TGFBI: variants seen among roughly 807,000 people sequenced by gnomAD.
TGFBI encodes the protein transforming growth factor-beta-induced protein ig-h3.
A neutral mutation model predicts 73.7 loss-of-function variants in TGFBI; 50 were observed. The ratio of observed to expected loss-of-function variants is 0.68; its 90% CI spans 0.54 to 0.86. The LOEUF (loss-of-function observed/expected upper bound fraction) is 0.86, where lower values mean the gene tolerates loss of function less well. Ranked by LOEUF, TGFBI falls within the 40% of genes least tolerant of loss-of-function variation. The pLI, the probability that TGFBI is intolerant of heterozygous loss-of-function variation, is 0.00. For missense variants in TGFBI, 839 were observed against 877.0 expected (o/e 0.96, Z 0.55); for synonymous variants, 362 against 360.5 (o/e 1.00, Z -0.05).
intron 2 of TGFBI, among the ~76,000 whole-genome samples, chr5:136,041,427 G>C (rs1443343721): frequency 6.6e-6 from 1 of 152,230 alleles, no homozygotes; most frequent in East Asian, 1.9e-4. Context: ...GAGGAACAGT[G>C]AGTGCTGACA....
chr5:136,033,172 A>T (rs968345349), intron 1 of TGFBI, among the ~76,000 whole-genome samples: 4 of 152,080 alleles, frequency 2.6e-5, no homozygotes, highest in Admixed American at 6.5e-5. Flanking sequence ...GGAACCCAAC[A>T]TCAAATAAGG....
intron 2 of TGFBI, among the ~76,000 whole-genome samples, chr5:136,040,886 A>G (rs1019135486): frequency 2.0e-4 from 30 of 152,314 alleles, no homozygotes; most frequent in Admixed American, 1.3e-3. Context: ...CAGCCCATCC[A>G]ACCACAGCAT....
intron 8 of TGFBI, among the ~76,000 whole-genome samples, chr5:136,053,429 A>G (rs1751573186): frequency 6.6e-6 from 1 of 152,244 alleles, no homozygotes; most frequent in Non-Finnish European, 1.5e-5. Context: ...CTGACCTCAG[A>G]GCATGTGCTT....
At chr5:136,047,530 A>G in intron 6 of TGFBI, 110 bp downstream of exon 6, 1 of 1,367,128 alleles carries the variant, frequency 7.3e-7, no homozygotes. Context: ...CTGTAGGGGA[A>G]CATAGAGCAG....
chr5:136,033,839 A>G lies in TGFBI; in HGVS notation c.211A>G (p.Arg71Gly), dbSNP rs761036803. 1.2e-6 allele frequency: 2 copies of G among 1,613,858 alleles called. No homozygotes were observed. Among genetic ancestry groups the G allele is most frequent in the Middle Eastern group, 1.7e-4 (1 of 6,060 alleles). Residue 71 changes from arginine to glycine, a missense_variant, in exon 2 of 17, where the codon AGG becomes GGG. Physicochemically the swap from Arg to Gly is moderately radical, Grantham distance 125. Coordinates refer to ENST00000442011, the MANE Select transcript of TGFBI (RefSeq NM_000358.3). ...CACCAACTGCAAGCAGTGGTACCAA[A>G]GGAAAATCTGTGGCAAATCAACGTG... Reference protein sequence around the residue: ...YFTNCKQWYQRKICGKSTVIS... With the variant: ...YFTNCKQWYQGKICGKSTVIS...
intron 15 of TGFBI, among the ~76,000 whole-genome samples, chr5:136,062,380 C>A (rs1199444043): frequency 2.0e-5 from 3 of 152,078 alleles, no homozygotes; most frequent in African/African-American, 7.2e-5. Context: ...CTCTGTGCAG[C>A]CCCAGCTCCC....
chr5:136,030,501 G>A (rs1751098970), intron 1 of TGFBI, among the ~76,000 whole-genome samples: 1 of 152,166 alleles, frequency 6.6e-6, no homozygotes, highest in South Asian at 2.1e-4. Flanking sequence ...AATCAAACCA[G>A]GCCTGGCTGC....
chr5:136,054,180 C>T lies in TGFBI; in HGVS notation c.1264+100C>T, dbSNP rs905138131. 7 of 1,468,052 alleles carry T rather than the reference C, an allele frequency of 4.8e-6. No individual in the cohort carries two copies. The East Asian group carries it at 1.1e-4, about 24-fold the overall frequency. 90.9% of individuals were successfully genotyped at this position (1,468,052 alleles called of 1,614,324 possible). ...CTCCGATTTACAGCACCCCATGGGA[C>T]ATTAGAACTTCCACTCAGCTCAACC... On this transcript the variant is annotated intron_variant, in intron 9 of 16. Transcript: ENST00000442011.
chr5:136,049,809 G>T (rs1210252085), intron 7 of TGFBI: 2 of 505,148 alleles, frequency 4.0e-6, no homozygotes, highest in Non-Finnish European at 7.0e-6. Context: ...GTCTGGGAGA[G>T]CTGGACTGAA....
chr5:136,044,522 G>A (rs765319861), intron 3 of TGFBI, among the ~76,000 whole-genome samples: 5 of 152,226 alleles, frequency 3.3e-5, no homozygotes, highest in Non-Finnish European at 5.9e-5. Context: ...ATGGGATGTG[G>A]GAGGAGGGGG....
Position 136,029,196 on chromosome 5 carries a change from C to T in TGFBI, c.134+7C>T. On this transcript the variant is annotated splice_region_variant and intron_variant, in intron 1 of 16. Transcript: ENST00000442011. ...TCCGGGGCCGCCAGCACGGGTAAGCCGAGCCGCCTGGCCAGGGGCTGCGGA... is the reference window on the plus strand; with the variant it reads ...TCCGGGGCCGCCAGCACGGGTAAGCTGAGCCGCCTGGCCAGGGGCTGCGGA... The T allele has an allele frequency of 4.1e-6, 6 of 1,480,588 alleles. No homozygotes were observed. The highest frequency in any genetic ancestry group is 5.4e-6 in the Non-Finnish European group (6 of 1,120,660). 91.7% of individuals were successfully genotyped at this position (1,480,588 alleles called of 1,614,324 possible). A position where few individuals can be genotyped will look rare whatever the true frequency, so the allele number is the denominator to read the frequency against.
intron 2 of TGFBI, among the ~76,000 whole-genome samples, chr5:136,038,134 G>A (rs1319658584): frequency 6.6e-6 from 1 of 152,214 alleles, no homozygotes; most frequent in African/African-American, 2.4e-5. Context: ...CTGTTGGGCA[G>A]TGTTTCCTGA....
rs1452721386 is a variant in TGFBI at position 136,059,077 on chromosome 5, C to A, written c.1679-13C>A. On this transcript the variant is annotated splice_polypyrimidine_tract_variant and intron_variant, in intron 12 of 16. Coordinates refer to ENST00000442011, the MANE Select transcript of TGFBI (RefSeq NM_000358.3). ...TTGGGATTAACTCTATCTCCTTTTC[C>A]CGCAACCTGCAGGAGATGCCAAGGA... is the stretch of plus-strand genomic sequence containing the variant. 6.2e-7 allele frequency: 1 copy of A among 1,609,098 alleles called. No individual in the cohort carries two copies. Among genetic ancestry groups the A allele is most frequent in the Admixed American group, 1.7e-5 (1 of 59,462 alleles).
At chr5:136,061,447 T>C (rs1309385466) in intron 14 of TGFBI, 53 bp from the exon 15 acceptor site, 2 of 1,347,102 alleles carry the variant, frequency 1.5e-6, no homozygotes, top group African/African-American at 1.4e-5. Flanking sequence ...TTGTTATGAA[T>C]GACATGCTAA....
chr5:136,057,363 T>C (rs757911268), intron 12 of TGFBI, among the ~76,000 whole-genome samples: 6 of 151,996 alleles, frequency 3.9e-5, no homozygotes, highest in Admixed American at 6.6e-5. Context: ...GCACTGACTA[T>C]CCCTCCAGAC....
In TGFBI at chr5:136,046,876, A is replaced by G; in HGVS notation, c.485A>G (p.Asn162Ser). ...PAEVLDSLVS[N>S]VNIELLNALR... ...GAAGTGCTGGACTCCCTGGTCAGCA[A>G]TGTCAACATTGAGCTGCTCAATGCC... The change falls in exon 5 of 17, where the codon AAT becomes AGT. Residue 162 changes from asparagine (N) to serine (S), a missense_variant. Physicochemically the swap from Asn to Ser is conservative, Grantham distance 46. Transcript: ENST00000442011. 1 of 1,613,656 alleles carries G rather than the reference A, an allele frequency of 6.2e-7. No individual in the cohort carries two copies. Among genetic ancestry groups the G allele is most frequent in the Non-Finnish European group, 8.5e-7 (1 of 1,179,794 alleles).
At chr5:136,050,566 G>A (rs1405583111) in intron 7 of TGFBI, among the ~76,000 whole-genome samples, 1 of 152,142 alleles carries the variant, frequency 6.6e-6, no homozygotes, top group East Asian at 1.9e-4. Context: ...GAAAGGCCAT[G>A]AGCACAAAGC....
intron 1 of TGFBI, 93 bp from the exon 2 acceptor site, chr5:136,033,670 T>C: frequency 1.0e-6 from 1 of 989,102 alleles, no homozygotes; most frequent in Non-Finnish European, 1.6e-6. Flanking sequence ...CTCTAGAAAG[T>C]TCCAGTGACC....
chr5:136,048,063 AG>A (rs1467258696), intron 6 of TGFBI: 1 of 152,368 alleles, frequency 6.6e-6, no homozygotes, highest in African/African-American at 2.4e-5. Flanking sequence ...CCTTGATTCA[AG>A]GAGAACTTCC....
Sources: allele counts gnomAD v4.1 joint callset (sites outside exome capture counted in the v4.1 genomes callset), GRCh38; gene constraint gnomAD v4.1.1; transcripts MANE v1.5; gene names NCBI Gene and HGNC (gene_info 2026-07-23, HGNC 2026-07-21).